The following BRINP3 variants were observed in gnomAD, a reference collection of about 807,000 sequenced individuals.
The protein encoded by BRINP3 is BMP/retinoic acid inducible neural specific 3, also known as BMP/retinoic acid-inducible neural-specific protein 3.
A neutral mutation model predicts 71.0 loss-of-function variants in BRINP3; 19 were observed. That is an observed-to-expected ratio of 0.27 (90% CI 0.19 to 0.39). The LOEUF (loss-of-function observed/expected upper bound fraction) is 0.39. Ranked by LOEUF, BRINP3 falls within the 10% of genes least tolerant of loss-of-function variation. BRINP3 has a pLI of 1.00. For synonymous variants in BRINP3, 380 were observed against 337.7 expected (o/e 1.13, Z -1.37); for missense variants, 959 against 940.8 (o/e 1.02, Z -0.25).
At chr1:190,314,527 G>A (rs936621790) in intron 2 of BRINP3, among the ~76,000 whole-genome samples, 51 of 152,136 alleles carry the variant, frequency 3.4e-4, no homozygotes, top group African/African-American at 1.2e-3. Flanking sequence ...GAAGGAATCA[G>A]CTTAACCATG....
At chr1:190,421,790 G>A (rs1673404959) in intron 2 of BRINP3, among the ~76,000 whole-genome samples, 1 of 151,896 alleles carries the variant, frequency 6.6e-6, no homozygotes, top group East Asian at 1.9e-4. Context: ...TATAGTTTTT[G>A]AGAAAATCAA....
At chr1:190,366,917 T>G (rs1042694430) in intron 2 of BRINP3, among the ~76,000 whole-genome samples, 7 of 152,344 alleles carry the variant, frequency 4.6e-5, no homozygotes, top group Non-Finnish European at 1.0e-4. Context: ...CCCTGTGGCT[T>G]TGCAGAGTAT....
chr1:190,332,503 T>C (rs1417736013), intron 2 of BRINP3, among the ~76,000 whole-genome samples: 1 of 152,016 alleles, frequency 6.6e-6, no homozygotes, highest in African/African-American at 2.4e-5. Flanking sequence ...CAGGGTCTTC[T>C]CCTCAGTAGG....
intron 1 of BRINP3, among the ~76,000 whole-genome samples, chr1:190,465,091 G>C (rs1045231054): frequency 6.6e-6 from 1 of 151,898 alleles, no homozygotes; most frequent in Non-Finnish European, 1.5e-5. Flanking sequence ...CCAGCACATA[G>C]GGGAAATTAT....
chr1:190,264,122 T>C (rs1331465921), intron 4 of BRINP3, among the ~76,000 whole-genome samples: 1 of 152,198 alleles, frequency 6.6e-6, no homozygotes, highest in Non-Finnish European at 1.5e-5. Flanking sequence ...ATTGACCTAA[T>C]TTGCCAGAGA....
At chr1:190,304,250 G>A (rs1249950761) in intron 2 of BRINP3, among the ~76,000 whole-genome samples, 7 of 151,656 alleles carry the variant, frequency 4.6e-5, no homozygotes, top group African/African-American at 1.7e-4. Flanking sequence ...AGAATATCAT[G>A]CATTTACACT....
At chr1:190,370,730 C>A (rs1279100499) in intron 2 of BRINP3, among the ~76,000 whole-genome samples, 1 of 152,218 alleles carries the variant, frequency 6.6e-6, no homozygotes, top group Non-Finnish European at 1.5e-5. Flanking sequence ...TGCCACTGAC[C>A]TTTGCAGCTA....
At chr1:190,372,259 C>A (rs1669917322) in intron 2 of BRINP3, among the ~76,000 whole-genome samples, 2 of 152,154 alleles carry the variant, frequency 1.3e-5, no homozygotes, top group South Asian at 2.1e-4. Flanking sequence ...ACCTGTTGAA[C>A]CAAGCTCAAA....
chr1:190,220,615 T>C (rs999255322), intron 6 of BRINP3, among the ~76,000 whole-genome samples: 1 of 152,080 alleles, frequency 6.6e-6, no homozygotes, highest in African/African-American at 2.4e-5. Flanking sequence ...AACTTCTCAA[T>C]GGCATTTTCA....
At chr1:190,288,975 A>T (rs1039189551) in intron 2 of BRINP3, among the ~76,000 whole-genome samples, 3 of 151,872 alleles carry the variant, frequency 2.0e-5, no homozygotes, top group Non-Finnish European at 2.9e-5. Context: ...ATTTCCACTG[A>T]GATTTCTTTA....
intron 7 of BRINP3, among the ~76,000 whole-genome samples, chr1:190,148,316 G>T (rs999842898): frequency 2.6e-5 from 4 of 151,634 alleles, no homozygotes; most frequent in African/African-American, 9.7e-5. Flanking sequence ...ATAAATTCTT[G>T]CCGGGTGCAG....
intron 2 of BRINP3, among the ~76,000 whole-genome samples, chr1:190,407,395 C>T (rs74130740): frequency 0.016 from 2,496 of 152,182 alleles, 73 homozygotes; most frequent in African/African-American, 0.056. Context: ...TTCCAGTTTA[C>T]CACCTTACAT....
intron 2 of BRINP3, among the ~76,000 whole-genome samples, chr1:190,382,530 G>A (rs1218000856): frequency 6.6e-6 from 1 of 152,088 alleles, no homozygotes; most frequent in South Asian, 2.1e-4. Flanking sequence ...TTTATTTAAA[G>A]GTGAGGAAAA....
chr1:190,259,076 G>T (rs974223023), intron 4 of BRINP3, among the ~76,000 whole-genome samples: 1 of 151,884 alleles, frequency 6.6e-6, no homozygotes, highest in Admixed American at 6.6e-5. Context: ...ACTCAAGGAA[G>T]AATTAATACC....
chr1:190,272,061 A>T (rs921480815), intron 3 of BRINP3, among the ~76,000 whole-genome samples: 9 of 151,542 alleles, frequency 5.9e-5, no homozygotes, highest in Non-Finnish European at 1.3e-4. Context: ...CATCATCATC[A>T]CAAATAAGAG....
rs561613207 is a variant in BRINP3 at position 190,309,106 on chromosome 1, T to A, written c.237-27356A>T. Among the ~76,000 whole-genome samples the A allele has an allele frequency of 9.9e-5, 15 of 152,040 alleles. No homozygotes were observed. The South Asian group carries it at 3.1e-3, about 31-fold the overall frequency. On this transcript the variant is annotated intron_variant, in intron 2 of 7. Coordinates refer to ENST00000367462, the MANE Select transcript of BRINP3 (RefSeq NM_199051.3). The stretch of plus-strand genomic sequence containing the variant: ...GGTATCGATACAAAATAAAATATTA[T>A]TCAGCCTCGAAAGTATGTTTGAACT...
chr1:190,181,439 C>G (rs1390023956), intron 6 of BRINP3, among the ~76,000 whole-genome samples: 1 of 151,830 alleles, frequency 6.6e-6, no homozygotes, highest in Non-Finnish European at 1.5e-5. Flanking sequence ...TTTCTCTTGT[C>G]ATTCCTTGTT....
intron 6 of BRINP3, among the ~76,000 whole-genome samples, chr1:190,192,321 T>C (rs1654102397): frequency 6.6e-6 from 1 of 152,200 alleles, no homozygotes; most frequent in South Asian, 2.1e-4. Context: ...CAAATCAATC[T>C]TGTACTCTTT....
At chr1:190,444,212 C>T (rs982830749) in intron 2 of BRINP3, among the ~76,000 whole-genome samples, 25 of 116,228 alleles carry the variant, frequency 2.2e-4, no homozygotes, top group Non-Finnish European at 3.2e-4. Flanking sequence ...GCACTCCTGC[C>T]GGGGCAACAA....
Sources: gnomAD v4.1 joint callset for allele counts (sites outside exome capture counted in the v4.1 genomes callset) on GRCh38, gnomAD v4.1.1 for gene constraint, MANE v1.5 for transcripts, NCBI Gene and HGNC (gene_info 2026-07-23, HGNC 2026-07-21) for gene names.